The following MACROD2 variants were observed in gnomAD, a reference collection of about 807,000 sequenced individuals.
MACROD2 encodes mono-ADP ribosylhydrolase 2.
A neutral mutation model predicts 70.4 loss-of-function variants in MACROD2; 36 were observed. The observed-to-expected ratio is 0.51, with a 90% CI of 0.39 to 0.68. The LOEUF (loss-of-function observed/expected upper bound fraction) is 0.68, where lower values mean the gene tolerates loss of function less well. Ranked by LOEUF, MACROD2 falls within the 30% of genes least tolerant of loss-of-function variation. The pLI is 0.00. For missense variants in MACROD2, 496 were observed against 538.4 expected (o/e 0.92, Z 0.78); for synonymous variants, 172 against 178.8 (o/e 0.96, Z 0.30).
At chr20:14,376,771 A>C (rs1267257642) in intron 3 of MACROD2, among the ~76,000 whole-genome samples, 1 of 147,586 alleles carries the variant, frequency 6.8e-6, no homozygotes, top group African/African-American at 2.5e-5. Flanking sequence ...AATAATAATA[A>C]TAATAATAAT....
chr20:15,310,546 A>G (rs1455377210), intron 6 of MACROD2, among the ~76,000 whole-genome samples: 1 of 152,154 alleles, frequency 6.6e-6, no homozygotes, highest in Non-Finnish European at 1.5e-5. Flanking sequence ...GAATGATGCA[A>G]CTCAGAAAAG....
At chr20:14,413,388 T>G (rs2083770729) in intron 3 of MACROD2, among the ~76,000 whole-genome samples, 1 of 152,018 alleles carries the variant, frequency 6.6e-6, no homozygotes, top group African/African-American at 2.4e-5. Flanking sequence ...TTTCTTGCAT[T>G]TGAACAATGT....
At chr20:15,577,966 G>A (rs750020189) in intron 8 of MACROD2, among the ~76,000 whole-genome samples, 2 of 152,194 alleles carry the variant, frequency 1.3e-5, no homozygotes, top group Non-Finnish European at 2.9e-5. Context: ...ATATTGGTGA[G>A]TGAAGCAATG....
chr20:14,257,448 C>A (rs1284614510), intron 3 of MACROD2, among the ~76,000 whole-genome samples: 2 of 151,876 alleles, frequency 1.3e-5, no homozygotes, highest in Admixed American at 6.6e-5. Context: ...TATATAGTTA[C>A]CAGGTTTTTT....
intron 3 of MACROD2, among the ~76,000 whole-genome samples, chr20:14,259,225 G>T (rs190716946): frequency 1.3e-5 from 2 of 152,276 alleles, no homozygotes; most frequent in African/African-American, 2.4e-5. Context: ...ACAGGCAAAA[G>T]ATTTCTTTAA....
At chr20:15,992,757 C>G (rs2066575228) in intron 15 of MACROD2, among the ~76,000 whole-genome samples, 1 of 152,158 alleles carries the variant, frequency 6.6e-6, no homozygotes, top group South Asian at 2.1e-4. Context: ...GTGTATGATT[C>G]TACAACCATG....
At chr20:14,067,102 C>A (rs1213953473) in intron 2 of MACROD2, among the ~76,000 whole-genome samples, 2 of 148,650 alleles carry the variant, frequency 1.3e-5, no homozygotes, top group Non-Finnish European at 3.0e-5. Flanking sequence ...TGAGCTACTG[C>A]ACCTGGCCTG....
intron 6 of MACROD2, among the ~76,000 whole-genome samples, chr20:15,251,786 T>G (rs2077157945): frequency 6.6e-6 from 1 of 152,200 alleles, no homozygotes; most frequent in South Asian, 2.1e-4. Context: ...GTTACTATTT[T>G]AAATGTTTAA....
chr20:14,785,568 AT>A (rs1202511892), intron 5 of MACROD2, among the ~76,000 whole-genome samples: 3 of 152,048 alleles, frequency 2.0e-5, no homozygotes, highest in African/African-American at 7.3e-5. Flanking sequence ...CATAGCTTAC[AT>A]ACCCCCGCTC....
At chr20:15,762,240 T>C (rs2051447407) in intron 8 of MACROD2, among the ~76,000 whole-genome samples, 1 of 152,188 alleles carries the variant, frequency 6.6e-6, no homozygotes, top group Admixed American at 6.5e-5. Context: ...ATCACAGAAA[T>C]CCTGTGAGGC....
intron 7 of MACROD2, 73 bp from the exon 8 acceptor site, chr20:15,499,701 A>G: frequency 7.4e-7 from 1 of 1,356,332 alleles, no homozygotes; most frequent in Non-Finnish European, 1.1e-6. Context: ...AAACTCCAGT[A>G]TCATAGCGTG....
At position 15,440,346 on chromosome 20, in the gene MACROD2, G is replaced by A. The variant is rs117762949; in HGVS notation, c.571+8911G>A. On this transcript the variant is annotated intron_variant, in intron 7 of 17. Coordinates refer to ENST00000684519, the MANE Select transcript of MACROD2 (RefSeq NM_001351661.2). The stretch of plus-strand genomic sequence containing the variant: ...GCATAGCTTAGCTGAAGCAGCTCTC[G>A]TGTTTATCCAATATAGTTTTGTTAT... Among the ~76,000 whole-genome samples, 240 of 152,222 alleles carry A rather than the reference G, an allele frequency of 1.6e-3. 1 individual carries two copies. The highest frequency in any genetic ancestry group is 5.5e-3 in the African/African-American group (228 of 41,566).
rs1462585183 is a variant in MACROD2, at chr20:14,503,379, A to G, written c.301+9871A>G. 2.0e-5 allele frequency among the ~76,000 whole-genome samples: 3 copies of G among 152,150 alleles called. No individual in the cohort carries two copies. In the East Asian group the frequency reaches 5.8e-4, roughly 29 times the overall value. ...GTCTGGAGCCCTCTGAGGTCAGTATATAGACCCCAGGTCTGAAAGGGTGAC... is the reference window on the plus strand; with the variant it reads ...GTCTGGAGCCCTCTGAGGTCAGTATGTAGACCCCAGGTCTGAAAGGGTGAC... On this transcript the variant is annotated intron_variant, in intron 4 of 17. Coordinates refer to ENST00000684519, the MANE Select transcript of MACROD2 (RefSeq NM_001351661.2).
intron 5 of MACROD2, among the ~76,000 whole-genome samples, chr20:15,009,791 T>TTA (rs1568529036): frequency 6.6e-6 from 1 of 150,728 alleles, no homozygotes; most frequent in African/African-American, 2.4e-5. Context: ...TTTTTTTTTT[T>TTA]ACCACTGAAT....
chr20:15,314,153 T>G (rs570078276), intron 6 of MACROD2, among the ~76,000 whole-genome samples: 2,018 of 152,254 alleles, frequency 0.013, 18 homozygotes, highest in South Asian at 0.027. Context: ...GTGGAAAAAG[T>G]AGTTTCAAGG....
chr20:15,366,907 T>C (rs976727941), intron 6 of MACROD2, among the ~76,000 whole-genome samples: 1 of 152,256 alleles, frequency 6.6e-6, no homozygotes, highest in Middle Eastern at 3.4e-3. Flanking sequence ...TGTTGTCCCA[T>C]CCTTCATAAC....
rs985472609 is a variant in MACROD2, at chr20:14,237,932, T to G, written c.271+152204T>G. On this transcript the variant is annotated intron_variant, in intron 3 of 17. Transcript: ENST00000684519. ...GTGTATATGTGCCACATTTTCTTAA[T>G]CCAGTCTATCATTGTTGGACCTTTG... is the stretch of plus-strand genomic sequence containing the variant. Among the ~76,000 whole-genome samples, 11 of 152,054 alleles carry G rather than the reference T, an allele frequency of 7.2e-5. No homozygotes were observed. The East Asian group carries it at 1.9e-3, about 27-fold the overall frequency.
At chr20:15,208,952 A>T (rs175259) in intron 5 of MACROD2, among the ~76,000 whole-genome samples, 1 of 151,772 alleles carries the variant, frequency 6.6e-6, no homozygotes, top group South Asian at 2.1e-4. Context: ...CGGTACAGTG[A>T]GGTGCAGGTA....
chr20:15,405,845 C>G (rs2045993022), intron 6 of MACROD2, among the ~76,000 whole-genome samples: 1 of 152,158 alleles, frequency 6.6e-6, no homozygotes, highest in African/African-American at 2.4e-5. Flanking sequence ...ACTCAGTTGT[C>G]TTTTCCTGCC....
Sources: gnomAD v4.1 joint callset for allele counts (sites outside exome capture counted in the v4.1 genomes callset) on GRCh38, gnomAD v4.1.1 for gene constraint, MANE v1.5 for transcripts, NCBI Gene and HGNC (gene_info 2026-07-23, HGNC 2026-07-21) for gene names.